MAML3: variants seen among roughly 807,000 people sequenced by gnomAD.
MAML3 encodes the protein mastermind like transcriptional coactivator 3, also known as mastermind-like protein 3.
A neutral mutation model predicts 101.9 loss-of-function variants in MAML3; 27 were observed. That is an observed-to-expected ratio of 0.27 (90% CI 0.20 to 0.37). MAML3 has a LOEUF of 0.37. MAML3 is among the 10% of genes least tolerant of loss of function. The pLI is 1.00. For synonymous variants in MAML3, 501 were observed against 555.9 expected, an observed-to-expected ratio of 0.90 and a Z score of 1.39; for missense variants, 1,316 against 1,444.9, an observed-to-expected ratio of 0.91 and a Z score of 1.45.
intron 1 of MAML3, among the ~76,000 whole-genome samples, chr4:140,039,224 T>C (rs1446650606): frequency 6.6e-6 from 1 of 152,044 alleles, no homozygotes; most frequent in Non-Finnish European, 1.5e-5. Flanking sequence ...GAAGAGTAAA[T>C]TCAAAGGGGA....
intron 1 of MAML3, among the ~76,000 whole-genome samples, chr4:140,150,441 G>A (rs1249304594): frequency 6.6e-6 from 1 of 152,116 alleles, no homozygotes; most frequent in East Asian, 1.9e-4. Context: ...AAAGTTTCTG[G>A]TCGCAAACTC....
chr4:139,751,769 G>C (rs766259974), intron 2 of MAML3, among the ~76,000 whole-genome samples: 30 of 152,192 alleles, frequency 2.0e-4, no homozygotes, highest in Non-Finnish European at 3.8e-4. Context: ...AATACACTCA[G>C]CCCAGGTCAC....
chr4:139,730,154 GAATCAAAGAAA>G, intron 3 of MAML3: 1 of 544,920 alleles, frequency 1.8e-6, no homozygotes, highest in Non-Finnish European at 3.3e-6. Context: ...AGTCAGACTT[GAATCAAAGAAA>G]TGTCTCTGGC....
chr4:140,060,406 G>C (rs545140820), intron 1 of MAML3, among the ~76,000 whole-genome samples: 84 of 93,614 alleles, frequency 9.0e-4, no homozygotes, highest in African/African-American at 3.2e-3. Flanking sequence ...TGAAATCAAA[G>C]TCAGGCCTGT....
chr4:140,026,787 T>C (rs1400259502), intron 1 of MAML3, among the ~76,000 whole-genome samples: 2 of 152,170 alleles, frequency 1.3e-5, no homozygotes, highest in Non-Finnish European at 2.9e-5. Context: ...GGGCATTTTT[T>C]CCTGTTCTAA....
At chr4:140,017,470 T>C (rs1169564217) in intron 1 of MAML3, among the ~76,000 whole-genome samples, 2 of 152,100 alleles carry the variant, frequency 1.3e-5, no homozygotes, top group Non-Finnish European at 2.9e-5. Flanking sequence ...AAATAAAAAT[T>C]ATATCCACAG....
intron 1 of MAML3, among the ~76,000 whole-genome samples, chr4:140,015,213 C>T (rs1328011423): frequency 6.6e-6 from 1 of 151,968 alleles, no homozygotes; most frequent in Non-Finnish European, 1.5e-5. Flanking sequence ...TACTGATGCA[C>T]TTTTTAAAAG....
rs190050261 is a variant in MAML3 at position 139,995,836 on chromosome 4, T to G, written c.469-104869A>C. On this transcript the variant is annotated intron_variant, in intron 1 of 4. Transcript: ENST00000509479. ...CTTTATTGTTTCCTTCTGCTTGCTT[T>G]GAGTTTCATTTGCTTTTTTCTAGTT... is the stretch of plus-strand genomic sequence containing the variant. Among the ~76,000 whole-genome samples, 5 of 152,146 alleles carry G rather than the reference T, an allele frequency of 3.3e-5. No homozygotes were observed. The East Asian group carries it at 9.7e-4, about 29-fold the overall frequency.
chr4:140,118,080 G>T (rs1728544720), intron 1 of MAML3, among the ~76,000 whole-genome samples: 1 of 151,554 alleles, frequency 6.6e-6, no homozygotes, highest in African/African-American at 2.4e-5. Flanking sequence ...TTTCTTCAGA[G>T]CCTACAGCTA....
At chr4:140,127,568 G>C (rs1487320468) in intron 1 of MAML3, among the ~76,000 whole-genome samples, 2 of 152,152 alleles carry the variant, frequency 1.3e-5, no homozygotes, top group African/African-American at 4.8e-5. Context: ...CTAGAGTCAT[G>C]CTCTACTTTT....
intron 1 of MAML3, among the ~76,000 whole-genome samples, chr4:140,112,100 C>A (rs1339877023): frequency 6.6e-6 from 1 of 151,928 alleles, no homozygotes; most frequent in Non-Finnish European, 1.5e-5. Context: ...AGAGCTTTTA[C>A]CTCTCCCCTC....
At chr4:139,814,032 AC>A (rs1730852438) in intron 2 of MAML3, among the ~76,000 whole-genome samples, 4 of 151,428 alleles carry the variant, frequency 2.6e-5, no homozygotes, top group African/African-American at 9.7e-5. Flanking sequence ...ACAAACACAC[AC>A]ACACACACAC....
intron 2 of MAML3, among the ~76,000 whole-genome samples, chr4:139,757,958 G>A (rs1729686430): frequency 6.6e-6 from 1 of 152,052 alleles, no homozygotes; most frequent in South Asian, 2.1e-4. Flanking sequence ...AGCACCTTCT[G>A]CCTTTCCTCC....
intron 1 of MAML3, among the ~76,000 whole-genome samples, chr4:140,134,947 C>T (rs886210843): frequency 2.6e-5 from 4 of 152,208 alleles, no homozygotes; most frequent in South Asian, 2.1e-4. Context: ...GGAACCTCTC[C>T]CAGGACCGAG....
At chr4:139,865,953 G>A (rs753431584) in intron 2 of MAML3, among the ~76,000 whole-genome samples, 1 of 152,256 alleles carries the variant, frequency 6.6e-6, no homozygotes, top group African/African-American at 2.4e-5. Flanking sequence ...TGGCCACACA[G>A]CTGTGTGCAC....
rs191593955 is a variant in MAML3, at chr4:139,907,701, T to C, written c.469-16734A>G. Among the ~76,000 whole-genome samples, 24 of 152,350 alleles carry C rather than the reference T, an allele frequency of 1.6e-4. 1 individual carries two copies. The highest frequency in any genetic ancestry group is 1.2e-3 in the East Asian group (6 of 5,190). ...GATTTCAAAGGAATTTGTAGGCTGTTGCATGTTTTAATTTTCCTCCTGTCT... is the reference window on the plus strand; with the variant it reads ...GATTTCAAAGGAATTTGTAGGCTGTCGCATGTTTTAATTTTCCTCCTGTCT... On this transcript the variant is annotated intron_variant, in intron 1 of 4. Coordinates refer to ENST00000509479, the MANE Select transcript of MAML3 (RefSeq NM_018717.5).
intron 2 of MAML3, among the ~76,000 whole-genome samples, chr4:139,789,327 G>A (rs1289423186): frequency 2.6e-5 from 4 of 152,174 alleles, no homozygotes; most frequent in Non-Finnish European, 4.4e-5. Flanking sequence ...TTGATTAGGG[G>A]TTGGGGTGGG....
At chr4:140,030,946 A>G (rs1480759384) in intron 1 of MAML3, among the ~76,000 whole-genome samples, 1 of 152,234 alleles carries the variant, frequency 6.6e-6, no homozygotes, top group Non-Finnish European at 1.5e-5. Context: ...CAGCATCAGC[A>G]TATAATACCG....
intron 1 of MAML3, among the ~76,000 whole-genome samples, chr4:139,972,111 T>C (rs571895584): frequency 6.2e-4 from 94 of 152,312 alleles, no homozygotes; most frequent in Non-Finnish European, 1.2e-3. Flanking sequence ...TACAGGTTTG[T>C]TACATAGGTA....
Sources: allele counts gnomAD v4.1 joint callset (sites outside exome capture counted in the v4.1 genomes callset), GRCh38; gene constraint gnomAD v4.1.1; transcripts MANE v1.5; gene names NCBI Gene and HGNC (gene_info 2026-07-23, HGNC 2026-07-21).